Variants in FAF1 observed in about 807,000 individuals in gnomAD.
FAF1 encodes Fas associated factor 1, also known as FAS-associated factor 1.
Under a neutral mutation model 92.5 loss-of-function variants are expected in FAF1, and 25 were observed. The ratio of observed to expected loss-of-function variants is 0.27; its 90% CI spans 0.20 to 0.38. The LOEUF is 0.38. FAF1 is among the 10% of genes least tolerant of loss of function. The pLI, the probability that FAF1 is intolerant of heterozygous loss-of-function variation, is 1.00. For synonymous variants in FAF1, 234 were observed against 273.2 expected (o/e 0.86, Z 1.42); for missense variants, 636 against 793.3 (o/e 0.80, Z 2.38).
intron 1 of FAF1, among the ~76,000 whole-genome samples, chr1:50,882,412 G>A (rs1644619324): frequency 6.6e-6 from 1 of 151,604 alleles, no homozygotes; most frequent in Admixed American, 6.6e-5. Flanking sequence ...TGGCCAACAT[G>A]GTAAAACCCT....
intron 7 of FAF1, among the ~76,000 whole-genome samples, chr1:50,659,441 CACA>C (rs1655274775): frequency 6.6e-6 from 1 of 152,164 alleles, no homozygotes; most frequent in Non-Finnish European, 1.5e-5. Flanking sequence ...AGAACACACG[CACA>C]GGCTGGGGTG....
intron 13 of FAF1, among the ~76,000 whole-genome samples, chr1:50,550,428 A>G (rs918289213): frequency 2.0e-5 from 3 of 151,918 alleles, no homozygotes; most frequent in Admixed American, 6.6e-5. Flanking sequence ...TCTTTAACAG[A>G]TAAGTGACCA....
intron 1 of FAF1, among the ~76,000 whole-genome samples, chr1:50,941,176 G>A (rs1645129501): frequency 6.6e-6 from 1 of 151,694 alleles, no homozygotes; most frequent in African/African-American, 2.4e-5. Flanking sequence ...GGACTTACAG[G>A]TGCGCGCTGC....
chr1:50,517,181 A>G lies in FAF1; in HGVS notation c.1494+18188T>C, dbSNP rs559391037. Among the ~76,000 whole-genome samples, 14 of 152,338 alleles carry G rather than the reference A, an allele frequency of 9.2e-5. 1 individual carries two copies. The highest frequency in any genetic ancestry group is 3.4e-4 in the African/African-American group (14 of 41,594). ...AAATGCTATTTAAAAACAAAATGCTAGAATTCAAAATCATTTGCAAATCTT... is the reference window on the plus strand; with the variant it reads ...AAATGCTATTTAAAAACAAAATGCTGGAATTCAAAATCATTTGCAAATCTT... On this transcript the variant is annotated intron_variant, in intron 15 of 18. Coordinates refer to ENST00000396153, the MANE Select transcript of FAF1 (RefSeq NM_007051.3).
chr1:50,500,565 T>G (rs1255281407), intron 15 of FAF1, among the ~76,000 whole-genome samples: 2 of 152,076 alleles, frequency 1.3e-5, no homozygotes, highest in African/African-American at 4.8e-5. Context: ...GCTATAATAC[T>G]TATAAAGGAA....
At chr1:50,685,441 T>A (rs1461146167) in intron 7 of FAF1, among the ~76,000 whole-genome samples, 2 of 152,156 alleles carry the variant, frequency 1.3e-5, no homozygotes, top group African/African-American at 4.8e-5. Flanking sequence ...TATAGTATAG[T>A]TAATGGATGA....
At chr1:50,722,518 G>A (rs763284573) in intron 6 of FAF1, among the ~76,000 whole-genome samples, 135 of 152,118 alleles carry the variant, frequency 8.9e-4, no homozygotes, top group Admixed American at 1.2e-3. Context: ...GCGTGGCGGC[G>A]GGCGCCTGTA....
rs565276968 is a variant in FAF1 at position 50,514,088 on chromosome 1, T to A, written c.1494+21281A>T. On this transcript the variant is annotated intron_variant, in intron 15 of 18. Transcript: ENST00000396153. The stretch of plus-strand genomic sequence containing the variant: ...ATTGTATGGGAAAAACAAATATGGG[T>A]TTAGTTCATTTAATTCTCAATGGAT... Among the ~76,000 whole-genome samples the A allele has an allele frequency of 2.6e-5, 4 of 152,326 alleles. No homozygotes were observed. The East Asian group carries it at 7.7e-4, about 29-fold the overall frequency.
At chr1:50,957,075 T>C (rs1035121722) in intron 1 of FAF1, among the ~76,000 whole-genome samples, 2 of 152,228 alleles carry the variant, frequency 1.3e-5, no homozygotes, top group Non-Finnish European at 2.9e-5. Context: ...CACTTTTTAC[T>C]AAGACGATCA....
intron 4 of FAF1, among the ~76,000 whole-genome samples, chr1:50,772,544 C>T (rs1188123426): frequency 1.3e-5 from 2 of 152,142 alleles, no homozygotes; most frequent in African/African-American, 4.8e-5. Flanking sequence ...ATCATGTCCT[C>T]TGCAGCAATA....
intron 6 of FAF1, among the ~76,000 whole-genome samples, chr1:50,727,244 G>T (rs1048129730): frequency 2.0e-5 from 3 of 152,002 alleles, no homozygotes; most frequent in African/African-American, 7.2e-5. Context: ...ATTTTTTCTT[G>T]TTATCTTCTC....
intron 1 of FAF1, among the ~76,000 whole-genome samples, chr1:50,922,488 GAGAGAGAGA>G (rs1644972730): frequency 3.2e-5 from 3 of 93,598 alleles, no homozygotes; most frequent in African/African-American, 1.2e-4. Flanking sequence ...AAAAAGAAAA[GAGAGAGAGA>G]AGAGAAGAGA....
intron 9 of FAF1, among the ~76,000 whole-genome samples, chr1:50,590,329 G>C (rs1327805603): frequency 6.6e-6 from 1 of 152,136 alleles, no homozygotes; most frequent in African/African-American, 2.4e-5. Context: ...TTTCAGCAAT[G>C]TTTGGTAGCT....
At chr1:50,492,566 C>T (rs149388917) in intron 15 of FAF1, among the ~76,000 whole-genome samples, 212 of 152,204 alleles carry the variant, frequency 1.4e-3, no homozygotes, top group African/African-American at 4.8e-3. Flanking sequence ...AGAAGTATAG[C>T]CAATATACAT....
At chr1:50,596,296 T>C in intron 8 of FAF1, 80 bp from the exon 9 acceptor site, 1 of 980,868 alleles carries the variant, frequency 1.0e-6, no homozygotes, top group Non-Finnish European at 1.6e-6. Context: ...AGGTATTTTC[T>C]ATTATTGCTG....
At chr1:50,853,532 T>C (rs1644368574) in intron 2 of FAF1, among the ~76,000 whole-genome samples, 1 of 152,100 alleles carries the variant, frequency 6.6e-6, no homozygotes, top group Non-Finnish European at 1.5e-5. Context: ...AACAGCAATG[T>C]CAGCACAGGC....
At chr1:50,558,521 T>C (rs998665823) in intron 13 of FAF1, among the ~76,000 whole-genome samples, 3 of 152,094 alleles carry the variant, frequency 2.0e-5, no homozygotes, top group Non-Finnish European at 2.9e-5. Context: ...ATAATCAAGA[T>C]ACCTAGAATA....
chr1:50,950,897 A>G (rs1316269808), intron 1 of FAF1, among the ~76,000 whole-genome samples: 2 of 152,194 alleles, frequency 1.3e-5, no homozygotes, highest in East Asian at 1.9e-4. Flanking sequence ...AAGCTGACAA[A>G]TTAGCTGGAA....
chr1:50,905,209 C>A (rs746311584), intron 1 of FAF1, among the ~76,000 whole-genome samples: 10 of 152,204 alleles, frequency 6.6e-5, no homozygotes, highest in Non-Finnish European at 1.2e-4. Context: ...CTACAAAGGA[C>A]ATGAACTCAT....
Sources: gnomAD v4.1 joint callset for allele counts (sites outside exome capture counted in the v4.1 genomes callset) on GRCh38, gnomAD v4.1.1 for gene constraint, MANE v1.5 for transcripts, NCBI Gene and HGNC (gene_info 2026-07-23, HGNC 2026-07-21) for gene names.